Variants in GRIK2 observed in about 807,000 individuals in gnomAD.
The protein encoded by GRIK2 is glutamate ionotropic receptor kainate type subunit 2.
A neutral mutation model predicts 100.3 loss-of-function variants in GRIK2; 32 were observed. That is an observed-to-expected ratio of 0.32 (90% CI 0.24 to 0.43). GRIK2 has a LOEUF of 0.43. Ranked by LOEUF, GRIK2 falls within the 20% of genes least tolerant of loss-of-function variation. The probability of loss-of-function intolerance (pLI) is 1.00; values close to 1 mark genes in which losing one functional copy is unlikely to be tolerated. For synonymous variants in GRIK2, 417 were observed against 389.4 expected, an observed-to-expected ratio of 1.07 and a Z score of -0.83; for missense variants, 843 against 1,114.9, an observed-to-expected ratio of 0.76 and a Z score of 3.47.
intron 7 of GRIK2, among the ~76,000 whole-genome samples, chr6:101,771,629 T>C (rs1264069020): frequency 6.6e-6 from 1 of 151,706 alleles, no homozygotes; most frequent in Admixed American, 6.6e-5. Context: ...GTGTGCTGCA[T>C]CCATTAACTT....
chr6:101,527,067 C>G (rs1457926094), intron 2 of GRIK2, among the ~76,000 whole-genome samples: 1 of 152,166 alleles, frequency 6.6e-6, no homozygotes, highest in Non-Finnish European at 1.5e-5. Context: ...CCTACCCTTT[C>G]AGAGAGTGGA....
chr6:101,511,801 G>A (rs1398149826), intron 2 of GRIK2, among the ~76,000 whole-genome samples: 1 of 151,844 alleles, frequency 6.6e-6, no homozygotes, highest in Non-Finnish European at 1.5e-5. Context: ...TGGTTAAAAT[G>A]ATTAGCTTGG....
At chr6:101,807,696 C>T (rs532537009) in intron 9 of GRIK2, among the ~76,000 whole-genome samples, 1 of 151,872 alleles carries the variant, frequency 6.6e-6, no homozygotes, top group East Asian at 2.0e-4. Flanking sequence ...CTTTCTCTGG[C>T]TGGTTCTGAT....
intron 7 of GRIK2, among the ~76,000 whole-genome samples, chr6:101,756,398 A>AAATGGTTACATTTATAATCTACATTTATG: frequency 7.0e-6 from 1 of 143,054 alleles, no homozygotes; most frequent in African/African-American, 2.8e-5. Context: ...CTACATTTAT[A>AAATGGTTACATTTATAATCTACATTTATG]AATGGTTACA....
intron 7 of GRIK2, among the ~76,000 whole-genome samples, chr6:101,692,039 CAAAAAA>C (rs60210939): frequency 6.8e-4 from 53 of 78,372 alleles, no homozygotes; most frequent in African/African-American, 2.5e-3. Context: ...CACCCCGTCT[CAAAAAA>C]AAAAAAAAAA....
chr6:101,600,048 A>G (rs1232477523), intron 2 of GRIK2, among the ~76,000 whole-genome samples: 2 of 151,806 alleles, frequency 1.3e-5, no homozygotes, highest in Non-Finnish European at 2.9e-5. Context: ...TTACATTTAA[A>G]TATTTAATCT....
intron 2 of GRIK2, among the ~76,000 whole-genome samples, chr6:101,517,943 T>A (rs1307445011): frequency 6.6e-6 from 1 of 152,124 alleles, no homozygotes; most frequent in South Asian, 2.1e-4. Context: ...ACAGCTCTCA[T>A]ACTTATGAAT....
At chr6:101,710,533 CTCTT>C (rs1254693984) in intron 7 of GRIK2, among the ~76,000 whole-genome samples, 6 of 151,838 alleles carry the variant, frequency 4.0e-5, no homozygotes, top group African/African-American at 1.4e-4. Flanking sequence ...CCTCTATTCT[CTCTT>C]TTGTAAATAT....
chr6:102,068,569 A>G lies in GRIK2; in HGVS notation c.*58A>G, dbSNP rs989392304. On this transcript the variant is annotated 3_prime_UTR_variant, in exon 17 of 17. Coordinates refer to ENST00000369134, the MANE Select transcript of GRIK2 (RefSeq NM_021956.5). ...TCGTCTTTTTCCAAACAATTTAGCC[A>G]GAATGTTTCCTGTGGAAATATGCAA... 1.0e-5 allele frequency: 15 copies of G among 1,497,416 alleles called. No homozygotes were observed. Among genetic ancestry groups the G allele is most frequent in the Middle Eastern group, 1.7e-4 (1 of 5,736 alleles). 92.8% of individuals were successfully genotyped at this position (1,497,416 alleles called of 1,614,324 possible).
intron 14 of GRIK2, among the ~76,000 whole-genome samples, chr6:102,034,924 G>T (rs555002376): frequency 2.2e-4 from 33 of 151,178 alleles, no homozygotes; most frequent in Non-Finnish European, 4.0e-4. Context: ...GTCTTACAGT[G>T]TCAATCTGAG....
chr6:101,436,763 A>G (rs1291429661), intron 2 of GRIK2, among the ~76,000 whole-genome samples: 1 of 151,322 alleles, frequency 6.6e-6, no homozygotes, highest in Non-Finnish European at 1.5e-5. Flanking sequence ...ATTTGGTAAA[A>G]GTCAATAATG....
At chr6:101,499,678 A>T (rs1683592628) in intron 2 of GRIK2, among the ~76,000 whole-genome samples, 1 of 152,022 alleles carries the variant, frequency 6.6e-6, no homozygotes, top group Admixed American at 6.6e-5. Flanking sequence ...GTTGTTTTCA[A>T]ATTGGAGTAT....
Position 101,818,355 on chromosome 6 carries a change from T to C in GRIK2, c.1204-15T>C, listed in dbSNP as rs1364929943. On this transcript the variant is annotated splice_polypyrimidine_tract_variant and intron_variant, in intron 9 of 16. Coordinates refer to ENST00000369134, the MANE Select transcript of GRIK2 (RefSeq NM_021956.5). ...CCTGATGGACAATTTACAAAGTACA[T>C]ATGCTATTTTATAGATTGGAACGTG... is the stretch of plus-strand genomic sequence containing the variant. 3 of 1,404,612 alleles carry C rather than the reference T, an allele frequency of 2.1e-6. No individual in the cohort carries two copies. Among genetic ancestry groups the C allele is most frequent in the African/African-American group, 1.4e-5 (1 of 70,944 alleles). The allele number at this position is 1,404,612 out of a possible 1,614,324, so 87.0% of individuals were successfully genotyped here.
At chr6:101,811,022 T>C (rs73512754) in intron 9 of GRIK2, among the ~76,000 whole-genome samples, 9,920 of 152,188 alleles carry the variant, frequency 0.065, 349 homozygotes, top group African/African-American at 0.091. Context: ...CTCTTTCTTA[T>C]GCTTTCTATT....
At chr6:101,884,843 A>G (rs1786504254) in intron 11 of GRIK2, among the ~76,000 whole-genome samples, 1 of 152,172 alleles carries the variant, frequency 6.6e-6, no homozygotes, top group Non-Finnish European at 1.5e-5. Flanking sequence ...ATTTTATCCT[A>G]TGCCTTAGGG....
At position 102,036,258 on chromosome 6, in the gene GRIK2, C is replaced by CAT. The variant is rs1321881420; in HGVS notation, c.2311+693_2311+694insTA. Among the ~76,000 whole-genome samples the CAT allele has an allele frequency of 1.1e-4, 17 of 150,348 alleles. 1 individual carries two copies. The highest frequency in any genetic ancestry group is 3.3e-4 in the Admixed American group (5 of 15,036). ...ACACACACACACACACACACACACA[C>CAT]ACATATATATATAAAACATTACAGT... On this transcript the variant is annotated intron_variant, in intron 15 of 16. Coordinates refer to ENST00000369134, the MANE Select transcript of GRIK2 (RefSeq NM_021956.5).
At chr6:101,568,176 A>G (rs2128298092) in intron 2 of GRIK2, among the ~76,000 whole-genome samples, 1 of 152,068 alleles carries the variant, frequency 6.6e-6, no homozygotes, top group African/African-American at 2.4e-5. Flanking sequence ...TTCTTTTCAA[A>G]ACTATTTCAC....
rs141630847 is a variant in GRIK2 at position 101,725,627 on chromosome 6, C to T, written c.951+39274C>T. ...TGTAATATTTTTATGTTACAGGTAG[C>T]ATCACCATAAGAATGGCTCACTGAT... On this transcript the variant is annotated intron_variant, in intron 7 of 16. Transcript: ENST00000369134. 1.2e-3 allele frequency among the ~76,000 whole-genome samples: 181 copies of T among 152,082 alleles called. 3 individuals carry two copies. In the East Asian group the frequency reaches 0.027, roughly 23 times the overall value.
At chr6:102,056,219 A>G (rs1437143297) in intron 16 of GRIK2, among the ~76,000 whole-genome samples, 1 of 151,930 alleles carries the variant, frequency 6.6e-6, no homozygotes, top group Non-Finnish European at 1.5e-5. Context: ...AAACTTCAAA[A>G]ATATTGAGGC....
Sources: allele counts gnomAD v4.1 joint callset (sites outside exome capture counted in the v4.1 genomes callset), GRCh38; gene constraint gnomAD v4.1.1; transcripts MANE v1.5; gene names NCBI Gene and HGNC (gene_info 2026-07-23, HGNC 2026-07-21).